The following TMEM178A variants were observed in gnomAD, a reference collection of about 807,000 sequenced individuals.
The protein encoded by TMEM178A is transmembrane protein 178A.
Under a neutral mutation model 29.1 loss-of-function variants are expected in TMEM178A, and 12 were observed. The observed-to-expected ratio is 0.41, with a 90% CI of 0.26 to 0.67. The LOEUF (loss-of-function observed/expected upper bound fraction) is 0.67. Among genes scored for constraint, TMEM178A ranks in the 30% least tolerant of loss-of-function variants. The pLI is 0.29. For synonymous variants in TMEM178A, 210 were observed against 187.2 expected, an observed-to-expected ratio of 1.12 and a Z score of -0.99; for missense variants, 366 against 419.1, an observed-to-expected ratio of 0.87 and a Z score of 1.11.
chr2:39,684,922 C>A (rs1671009532), intron 1 of TMEM178A, among the ~76,000 whole-genome samples: 1 of 152,182 alleles, frequency 6.6e-6, no homozygotes, highest in Admixed American at 6.5e-5. Context: ...CTGAGTTTGA[C>A]AAAGGAAGGA....
chr2:39,666,056 A>T lies in TMEM178A; in HGVS notation c.82A>T (p.Thr28Ser). 1 of 1,564,206 alleles carries T rather than the reference A, an allele frequency of 6.4e-7. No homozygotes were observed. The highest frequency in any genetic ancestry group is 8.6e-7 in the Non-Finnish European group (1 of 1,158,850). The stretch of plus-strand genomic sequence containing the variant: ...GGGGCTGCTCGTCACGGCCATCTTC[A>T]CCGACCACTGGTACGAGACCGACCC... The part of the protein sequence containing the change: ...SLGLLVTAIF[T>S]DHWYETDPRR... Residue 28 changes from threonine to serine, a missense_variant, in exon 1 of 4, where the codon ACC becomes TCC. Around this residue, in one of 2 missense-constraint regions of TMEM178A, gnomAD observed 247 missense variants for 246.8 expected, o/e 1.00. Transcript: ENST00000281961.
intron 3 of TMEM178A, among the ~76,000 whole-genome samples, chr2:39,707,592 C>G (rs935077879): frequency 6.6e-6 from 1 of 152,214 alleles, no homozygotes; most frequent in Admixed American, 6.5e-5. Context: ...CTGCCTCAGC[C>G]TCCTGAGTAG....
intron 1 of TMEM178A, among the ~76,000 whole-genome samples, chr2:39,698,706 T>TG (rs917975239): frequency 2.6e-5 from 4 of 151,986 alleles, no homozygotes; most frequent in South Asian, 2.1e-4. Context: ...CTATTTTTTT[T>TG]TTTTGTTTTG....
At chr2:39,679,346 A>G (rs1313115251) in intron 1 of TMEM178A, among the ~76,000 whole-genome samples, 1 of 152,128 alleles carries the variant, frequency 6.6e-6, no homozygotes, top group Non-Finnish European at 1.5e-5. Context: ...CTCAGTTTTC[A>G]AAGACTAAGA....
At chr2:39,723,552 C>T in the TMEM178A span, among the ~76,000 whole-genome samples, 1 of 152,180 alleles carries the variant, frequency 6.6e-6, no homozygotes, top group Non-Finnish European at 1.5e-5. Context: ...AGAGAAAGCT[C>T]GGATTCTCAA....
chr2:39,713,171 G>C (rs1672388340), intron 3 of TMEM178A, among the ~76,000 whole-genome samples: 1 of 152,178 alleles, frequency 6.6e-6, no homozygotes, highest in South Asian at 2.1e-4. Context: ...ATGTTGAACT[G>C]AGTCCAATTG....
At chr2:39,665,714 G>T (rs13384364), upstream of TMEM178A, 139,374 of 313,432 alleles carry the variant, frequency 0.44, 32,427 homozygotes, top group East Asian at 0.8. Context: ...GGAAGAGGAG[G>T]GGGGCAAGAA....
chr2:39,672,509 T>A (rs902824163), intron 1 of TMEM178A, among the ~76,000 whole-genome samples: 2 of 152,108 alleles, frequency 1.3e-5, no homozygotes, highest in African/African-American at 4.8e-5. Flanking sequence ...CTCGTAATTA[T>A]AATTGCAACG....
intron 3 of TMEM178A, among the ~76,000 whole-genome samples, chr2:39,711,242 T>C (rs1672287832): frequency 6.6e-6 from 1 of 152,262 alleles, no homozygotes; most frequent in South Asian, 2.1e-4. Context: ...TGTGAATGAA[T>C]ATTTCCACCT....
At chr2:39,698,607 T>C (rs1671651423) in intron 1 of TMEM178A, among the ~76,000 whole-genome samples, 2 of 152,190 alleles carry the variant, frequency 1.3e-5, no homozygotes, top group South Asian at 4.1e-4. Flanking sequence ...AGGAATAGTA[T>C]GTAATTTCCT....
chr2:39,668,139 C>A lies in TMEM178A; in HGVS notation c.400+1765C>A, dbSNP rs142134288. On this transcript the variant is annotated intron_variant, in intron 1 of 3. Transcript: ENST00000281961. Reference sequence around the variant, plus strand: ...CACAATGCCTCTGCAAATGCCCTGGCTAACTGAGGTGCCAGTTCCAGGGCA... The same window carrying A: ...CACAATGCCTCTGCAAATGCCCTGGATAACTGAGGTGCCAGTTCCAGGGCA... Among the ~76,000 whole-genome samples, 816 of 152,304 alleles carry A rather than the reference C, an allele frequency of 5.4e-3. 4 individuals are homozygous for A. The highest frequency in any genetic ancestry group is 9.9e-3 in the South Asian group (48 of 4,826).
chr2:39,665,904 G>C (rs1024975447), upstream of TMEM178A: 3 of 1,281,126 alleles, frequency 2.3e-6, no homozygotes, highest in African/African-American at 3.1e-5. Flanking sequence ...CGGGCGGAGA[G>C]CTGGGGCCAA....
intron 3 of TMEM178A, among the ~76,000 whole-genome samples, chr2:39,710,704 G>T (rs971716562): frequency 6.6e-6 from 1 of 152,160 alleles, no homozygotes; most frequent in Non-Finnish European, 1.5e-5. Flanking sequence ...GCAAAAAAAG[G>T]GTTAAAAGAA....
In TMEM178A at chr2:39,710,193, A is replaced by T. The variant is rs73927048; in HGVS notation, c.652+3007A>T. 7.8e-3 allele frequency among the ~76,000 whole-genome samples: 1,191 copies of T among 152,314 alleles called. 21 individuals are homozygous for T. Among genetic ancestry groups the T allele is most frequent in the African/African-American group, 0.027 (1,125 of 41,560 alleles). On this transcript the variant is annotated intron_variant, in intron 3 of 3. Coordinates refer to ENST00000281961, the MANE Select transcript of TMEM178A (RefSeq NM_152390.3). ...CAAAATATGCAAAGCAATAGCCACA[A>T]CAGAAACCACCACCACCACCAACAA... is the stretch of plus-strand genomic sequence containing the variant.
At chr2:39,704,036 T>A in intron 1 of TMEM178A, 45 bp from the exon 2 acceptor site, 1 of 1,558,686 alleles carries the variant, frequency 6.4e-7, no homozygotes, top group Non-Finnish European at 8.8e-7. Flanking sequence ...AGAATTCTGT[T>A]ACAAATAAGC....
chr2:39,710,682 TAGG>T (rs1445666693), intron 3 of TMEM178A, among the ~76,000 whole-genome samples: 3 of 152,154 alleles, frequency 2.0e-5, no homozygotes, highest in Non-Finnish European at 2.9e-5. Flanking sequence ...TCACATGCAG[TAGG>T]AGATGAGAGC....
the TMEM178A span, among the ~76,000 whole-genome samples, chr2:39,726,738 G>C: frequency 3.3e-5 from 5 of 152,062 alleles, no homozygotes; most frequent in South Asian, 2.1e-4. Context: ...GGATACCAAG[G>C]GCAAGAGTCA....
chr2:39,685,217 T>A (rs939390324), intron 1 of TMEM178A, among the ~76,000 whole-genome samples: 3 of 152,186 alleles, frequency 2.0e-5, no homozygotes, highest in African/African-American at 7.2e-5. Context: ...TCTTCAGTGA[T>A]GCCCCCTTAC....
chr2:39,671,310 C>G (rs918263171), intron 1 of TMEM178A, among the ~76,000 whole-genome samples: 1 of 152,160 alleles, frequency 6.6e-6, no homozygotes, highest in Non-Finnish European at 1.5e-5. Context: ...CAAGTTCTAC[C>G]TGACACAGAA....
Sources: gnomAD v4.1 joint callset for allele counts (sites outside exome capture counted in the v4.1 genomes callset) on GRCh38, gnomAD v4.1.1 for gene constraint, gnomAD v4.1.1 regional missense constraint, MANE v1.5 for transcripts, NCBI Gene and HGNC (gene_info 2026-07-23, HGNC 2026-07-21) for gene names.